PRTG: variants seen among roughly 807,000 people sequenced by gnomAD.
PRTG encodes immunoglobulin superfamily, DCC subclass, member 5.
Under a neutral mutation model 122.5 loss-of-function variants are expected in PRTG, and 67 were observed. That is an observed-to-expected ratio of 0.55 (90% confidence interval 0.45 to 0.67). The LOEUF (loss-of-function observed/expected upper bound fraction) is 0.67. Among genes scored for constraint, PRTG ranks in the 30% least tolerant of loss-of-function variants. The pLI is 0.00. For synonymous variants in PRTG, 554 were observed against 501.1 expected (o/e 1.11, Z -1.41); for missense variants, 1,435 against 1,415.4 (o/e 1.01, Z -0.22).
At chr15:55,702,185 A>G (rs1231103985) in intron 2 of PRTG, among the ~76,000 whole-genome samples, 3 of 152,240 alleles carry the variant, frequency 2.0e-5, no homozygotes, top group African/African-American at 4.8e-5. Context: ...CTTATAAATT[A>G]AGCAGGAAGA....
intron 2 of PRTG, among the ~76,000 whole-genome samples, chr15:55,720,840 T>C (rs1465036570): frequency 6.6e-6 from 1 of 152,250 alleles, no homozygotes; most frequent in African/African-American, 2.4e-5. Context: ...AGAACATTTA[T>C]GAATTTGTGT....
At chr15:55,736,054 A>C (rs1316332386) in intron 2 of PRTG, among the ~76,000 whole-genome samples, 1 of 152,190 alleles carries the variant, frequency 6.6e-6, no homozygotes, top group Non-Finnish European at 1.5e-5. Context: ...CCCAGAAAAC[A>C]TCAACTGAAC....
intron 11 of PRTG, among the ~76,000 whole-genome samples, chr15:55,645,182 T>C (rs2059313667): frequency 6.6e-6 from 1 of 151,718 alleles, no homozygotes; most frequent in African/African-American, 2.4e-5. Context: ...ACGCCTGTAA[T>C]CCCAGCACTT....
chr15:55,674,663 G>T (rs1312490301), intron 9 of PRTG, among the ~76,000 whole-genome samples: 2 of 152,110 alleles, frequency 1.3e-5, no homozygotes, highest in Non-Finnish European at 2.9e-5. Context: ...TAAGTGGCAT[G>T]ATAAAGATAT....
intron 2 of PRTG, among the ~76,000 whole-genome samples, chr15:55,730,371 G>T (rs1024660659): frequency 2.0e-5 from 3 of 151,898 alleles, no homozygotes; most frequent in Non-Finnish European, 4.4e-5. Flanking sequence ...CAAAGTGCTG[G>T]GATTACAGGC....
chr15:55,720,253 TG>T (rs2030763367), intron 2 of PRTG, among the ~76,000 whole-genome samples: 2 of 150,900 alleles, frequency 1.3e-5, no homozygotes, highest in Admixed American at 1.3e-4. Flanking sequence ...CTTGGGAGGC[TG>T]GGGCAGGGAG....
intron 2 of PRTG, among the ~76,000 whole-genome samples, chr15:55,702,492 C>T (rs952828859): frequency 1.3e-5 from 2 of 152,028 alleles, no homozygotes; most frequent in African/African-American, 4.8e-5. Flanking sequence ...TCAATTCAGT[C>T]ATCACCTCCT....
At chr15:55,622,371 T>A (rs2141708929) in intron 18 of PRTG, among the ~76,000 whole-genome samples, 1 of 142,956 alleles carries the variant, frequency 7.0e-6, no homozygotes, top group African/African-American at 2.6e-5. Context: ...GCATGCATCA[T>A]CACACCCAGC....
intron 11 of PRTG, among the ~76,000 whole-genome samples, chr15:55,642,398 C>T (rs2059296907): frequency 6.6e-6 from 1 of 151,804 alleles, no homozygotes; most frequent in South Asian, 2.1e-4. Context: ...GGGTGGGTCA[C>T]CCGAGGTCGG....
chr15:55,656,674 A>G (rs1036843043), intron 11 of PRTG, among the ~76,000 whole-genome samples: 3 of 152,092 alleles, frequency 2.0e-5, no homozygotes, highest in African/African-American at 2.4e-5. Flanking sequence ...TGCCCGGCTA[A>G]TATTTTTGTA....
intron 2 of PRTG, among the ~76,000 whole-genome samples, chr15:55,721,627 C>T (rs2030828577): frequency 6.6e-6 from 1 of 152,218 alleles, no homozygotes; most frequent in South Asian, 2.1e-4. Flanking sequence ...ATCAGGATCT[C>T]TCCCTGTATT....
At position 55,612,434 on chromosome 15, in the gene PRTG, G is replaced by T. The variant is rs570303219; in HGVS notation, c.*7578C>A. On this transcript the variant is annotated 3_prime_UTR_variant, in exon 20 of 20. Transcript: ENST00000389286. ...AATAGTATATGGATAAGAAAAAAGGGAAAATATTTCCTCTAAAAAAAGAAG... is the reference window on the plus strand; with the variant it reads ...AATAGTATATGGATAAGAAAAAAGGTAAAATATTTCCTCTAAAAAAAGAAG... The T allele has an allele frequency of 1.4e-4, 21 of 151,684 alleles. No homozygotes were observed. The highest frequency in any genetic ancestry group is 5.1e-4 in the African/African-American group (21 of 41,348). The allele number at this position is 151,684 out of a possible 1,614,324, so 9.4% of individuals were successfully genotyped here.
At chr15:55,727,026 GA>G (rs1409970624) in intron 2 of PRTG, among the ~76,000 whole-genome samples, 2 of 151,412 alleles carry the variant, frequency 1.3e-5, no homozygotes, top group African/African-American at 4.8e-5. Flanking sequence ...TGCTCAGAGG[GA>G]AACTGGTGGC....
At chr15:55,672,701 T>C in intron 10 of PRTG, 68 bp from the exon 11 acceptor site, 1 of 1,189,974 alleles carries the variant, frequency 8.4e-7, no homozygotes, top group Non-Finnish European at 1.2e-6. Flanking sequence ...CAGAATAGGG[T>C]AGTTCTCTCA....
intron 11 of PRTG, among the ~76,000 whole-genome samples, chr15:55,643,528 A>G (rs1484534928): frequency 6.6e-6 from 1 of 151,580 alleles, no homozygotes; most frequent in African/African-American, 2.4e-5. Context: ...CAAACTCCTG[A>G]GCTCAGATGA....
chr15:55,680,333 G>T, intron 5 of PRTG, 121 bp from the exon 6 acceptor site: 2 of 1,118,960 alleles, frequency 1.8e-6, no homozygotes, highest in Non-Finnish European at 1.2e-6. Flanking sequence ...AATTCTCCAT[G>T]TTAAGACCTT....
At position 55,639,809 on chromosome 15, in the gene PRTG, G is replaced by T; in HGVS notation, c.2157C>A (p.Val719=). ...GATGGTGGGGTGGTGGTGGAGGAGG[G>T]ACCATGCGATCACGAACAGCTATTG... ...PGCVSVRDRM[V]PPPPPPHHLY... Residue 719 remains valine (V), a synonymous_variant, in exon 13 of 20, where the codon GTC becomes GTA. Transcript: ENST00000389286. 1 of 1,614,058 alleles carries T rather than the reference G, an allele frequency of 6.2e-7. No homozygotes were observed. The highest frequency in any genetic ancestry group is 8.5e-7 in the Non-Finnish European group (1 of 1,179,986).
chr15:55,702,815 C>T, intron 2 of PRTG: 1 of 628,668 alleles, frequency 1.6e-6, no homozygotes, highest in Non-Finnish European at 2.0e-6. Flanking sequence ...CACACACACA[C>T]ACACAACCTG....
At chr15:55,726,164 A>G (rs2031024167) in intron 2 of PRTG, among the ~76,000 whole-genome samples, 1 of 152,070 alleles carries the variant, frequency 6.6e-6, no homozygotes, top group South Asian at 2.1e-4. Context: ...GATTGTGTCA[A>G]TCTTTTGACC....
Sources: allele counts gnomAD v4.1 joint callset (sites outside exome capture counted in the v4.1 genomes callset), GRCh38; gene constraint gnomAD v4.1.1; transcripts MANE v1.5; gene names NCBI Gene and HGNC (gene_info 2026-07-23, HGNC 2026-07-21).